UHRF2: variants seen among roughly 807,000 people sequenced by gnomAD.
UHRF2 encodes the protein E3 ubiquitin-protein ligase UHRF2.
UHRF2 carries 23 observed loss-of-function variants against 96.8 expected under a neutral mutation model. The observed-to-expected ratio is 0.24, with a 90% confidence interval of 0.17 to 0.34. UHRF2 has a LOEUF of 0.34. Among genes scored for constraint, UHRF2 ranks in the 10% least tolerant of loss-of-function variants. The probability of loss-of-function intolerance (pLI) is 1.00; values close to 1 mark genes in which losing one functional copy is unlikely to be tolerated. For missense variants in UHRF2, 685 were observed against 981.5 expected (o/e 0.70, Z 4.04); for synonymous variants, 385 against 332.6 (o/e 1.16, Z -1.72).
chr9:6,457,764 A>G (rs1225116576), intron 3 of UHRF2, among the ~76,000 whole-genome samples: 5 of 152,116 alleles, frequency 3.3e-5, no homozygotes, highest in African/African-American at 1.2e-4. Flanking sequence ...TAAGATAATC[A>G]TGTGGTTTTT....
At chr9:6,459,938 A>G (rs1822425667) in intron 3 of UHRF2, among the ~76,000 whole-genome samples, 1 of 152,236 alleles carries the variant, frequency 6.6e-6, no homozygotes. Context: ...GTGTCACTGT[A>G]CTGCAGCCTA....
intron 3 of UHRF2, among the ~76,000 whole-genome samples, chr9:6,453,967 C>A (rs894924291): frequency 6.6e-6 from 1 of 152,068 alleles, no homozygotes; most frequent in Non-Finnish European, 1.5e-5. Context: ...TAATTTTGTA[C>A]TTGTCAGGTT....
At chr9:6,482,748 C>T (rs535534875) in intron 8 of UHRF2, among the ~76,000 whole-genome samples, 1 of 152,148 alleles carries the variant, frequency 6.6e-6, no homozygotes, top group South Asian at 2.1e-4. Flanking sequence ...AGGCGCCTGC[C>T]ACCACGCCTG....
intron 9 of UHRF2, among the ~76,000 whole-genome samples, chr9:6,488,279 A>T: frequency 9.7e-6 from 1 of 102,652 alleles, no homozygotes; most frequent in Non-Finnish European, 1.8e-5. Flanking sequence ...AAAAAAAAAA[A>T]AAAAAAAAAA....
rs138665792 is a variant in UHRF2, at chr9:6,499,894, G to A, written c.1968G>A (p.Lys656=). The A allele has an allele frequency of 9.5e-4, 1,530 of 1,612,064 alleles. 5 individuals are homozygous for A. Among genetic ancestry groups the A allele is most frequent in the Non-Finnish European group, 1.2e-3 (1,395 of 1,178,852 alleles). The change falls in exon 13 of 16, where the codon AAG becomes AAA. Residue 656 remains lysine (K), a synonymous_variant. Transcript: ENST00000276893. ...EGKKPKGQSK[K]QPSGTTKRPI... is the part of the protein sequence containing the mutation. ...AGAAGCCTAAAGGACAGTCAAAGAA[G>A]CAGCCCAGTGGAACCACAAAAAGGC...
rs142585094 is a variant in UHRF2, at chr9:6,503,655, T to C, written c.2164-938T>C. Among the ~76,000 whole-genome samples, 508 of 152,308 alleles carry C rather than the reference T, an allele frequency of 3.3e-3. 2 individuals carry two copies. The highest frequency in any genetic ancestry group is 5.7e-3 in the Non-Finnish European group (386 of 68,022). ...ACAGAGTATTGTTTCCTAGTGTTTT[T>C]TTTTAAGCTCCTAAAGACAAATATT... On this transcript the variant is annotated intron_variant, in intron 14 of 15. Transcript: ENST00000276893.
chr9:6,443,487 GA>G (rs1393677146), intron 3 of UHRF2, among the ~76,000 whole-genome samples: 1 of 152,208 alleles, frequency 6.6e-6, no homozygotes, highest in African/African-American at 2.4e-5. Context: ...CTCATTTTAA[GA>G]GAAGCATGCT....
intron 2 of UHRF2, among the ~76,000 whole-genome samples, chr9:6,425,720 G>A (rs1377278115): frequency 6.6e-6 from 1 of 151,954 alleles, no homozygotes; most frequent in Non-Finnish European, 1.5e-5. Flanking sequence ...CCGAGATCGC[G>A]CCACTGCACT....
chr9:6,467,989 T>C (rs11791651), intron 4 of UHRF2, among the ~76,000 whole-genome samples: 42,333 of 151,998 alleles, frequency 0.28, 8,020 homozygotes, highest in African/African-American at 0.54. Context: ...CTCATCACAG[T>C]CTTTTTTTCT....
chr9:6,491,252 G>A (rs1224840072), intron 9 of UHRF2, among the ~76,000 whole-genome samples: 1 of 152,178 alleles, frequency 6.6e-6, no homozygotes, highest in African/African-American at 2.4e-5. Context: ...CCTGGCTGTG[G>A]AGCCATCTCT....
At position 6,497,369 on chromosome 9, in the gene UHRF2, T is replaced by C; in HGVS notation, c.1767+9T>C. The C allele has an allele frequency of 6.2e-7, 1 of 1,612,544 alleles. No individual in the cohort carries two copies. Among genetic ancestry groups the C allele is most frequent in the Non-Finnish European group, 8.5e-7 (1 of 1,178,868 alleles). On this transcript the variant is annotated intron_variant, in intron 11 of 15. Coordinates refer to ENST00000276893, the MANE Select transcript of UHRF2 (RefSeq NM_152896.3). ...ATGATGGCATTTATAAGGTGCTCTA[T>C]CTGGCATGACATCTTGTTTGTCATT...
chr9:6,419,350 C>T (rs1023686001), intron 1 of UHRF2, among the ~76,000 whole-genome samples: 1 of 152,158 alleles, frequency 6.6e-6, no homozygotes, highest in Admixed American at 6.5e-5. Flanking sequence ...AATTTATTCA[C>T]TATTCTTCCT....
At chr9:6,455,672 T>C (rs904250074) in intron 3 of UHRF2, among the ~76,000 whole-genome samples, 2 of 152,138 alleles carry the variant, frequency 1.3e-5, no homozygotes, top group African/African-American at 2.4e-5. Context: ...TCTGATGATA[T>C]CAGGAAGTTA....
intron 6 of UHRF2, among the ~76,000 whole-genome samples, 174 bp downstream of exon 6, chr9:6,477,982 C>G (rs1456677503): frequency 2.0e-5 from 3 of 152,242 alleles, no homozygotes; most frequent in African/African-American, 7.2e-5. Context: ...AACCTCTGAA[C>G]CATCTCTTGC....
intron 2 of UHRF2, among the ~76,000 whole-genome samples, chr9:6,433,368 G>A (rs1207744415): frequency 6.6e-6 from 1 of 152,158 alleles, no homozygotes; most frequent in Admixed American, 6.5e-5. Flanking sequence ...TTTGCCTAGT[G>A]AGTTACTAAC....
chr9:6,454,071 C>G (rs1445094427), intron 3 of UHRF2, among the ~76,000 whole-genome samples: 2 of 152,178 alleles, frequency 1.3e-5, no homozygotes, highest in Non-Finnish European at 2.9e-5. Flanking sequence ...TAAAAGACTT[C>G]TCATTTTAGT....
chr9:6,414,493 T>C (rs1819475998), intron 1 of UHRF2, among the ~76,000 whole-genome samples: 1 of 152,218 alleles, frequency 6.6e-6, no homozygotes, highest in South Asian at 2.1e-4. Flanking sequence ...GGTATTTTTA[T>C]GGTCTGGCCA....
intron 3 of UHRF2, among the ~76,000 whole-genome samples, chr9:6,455,736 G>T (rs1160579627): frequency 6.6e-6 from 1 of 152,186 alleles, no homozygotes; most frequent in Non-Finnish European, 1.5e-5. Flanking sequence ...TGTAATCCAA[G>T]CACTTTGGGA....
At chr9:6,432,003 C>A (rs1414620450) in intron 2 of UHRF2, among the ~76,000 whole-genome samples, 1 of 152,140 alleles carries the variant, frequency 6.6e-6, no homozygotes, top group African/African-American at 2.4e-5. Flanking sequence ...TGGACCTTAA[C>A]ATTGATTATT....
Sources: allele counts gnomAD v4.1 joint callset (sites outside exome capture counted in the v4.1 genomes callset), GRCh38; gene constraint gnomAD v4.1.1; transcripts MANE v1.5; gene names NCBI Gene and HGNC (gene_info 2026-07-23, HGNC 2026-07-21).